Variants in TESC observed in about 807,000 individuals in gnomAD.
The protein encoded by TESC is tescalcin.
TESC carries 19 observed loss-of-function variants against 31.0 expected under a neutral mutation model. The observed-to-expected ratio is 0.61, with a 90% CI of 0.43 to 0.90. TESC has a LOEUF of 0.90. Ranked by LOEUF, TESC falls within the 40% of genes least tolerant of loss-of-function variation. TESC has a pLI of 0.00. For synonymous variants in TESC, 109 were observed against 114.8 expected (o/e 0.95, Z 0.32); for missense variants, 248 against 303.8 (o/e 0.82, Z 1.36).
At chr12:117,044,889 T>C (rs975137832) in intron 6 of TESC, among the ~76,000 whole-genome samples, 4 of 149,286 alleles carry the variant, frequency 2.7e-5, no homozygotes, top group African/African-American at 1.0e-4. Context: ...AGAGTAAGAC[T>C]TGGTCTCGGG....
intron 1 of TESC, among the ~76,000 whole-genome samples, chr12:117,082,060 CAAAAAAAA>C (rs61375772): frequency 8.4e-6 from 1 of 119,134 alleles, no homozygotes. Context: ...CCCATCTATA[CAAAAAAAA>C]AAAAAAATCA....
intron 1 of TESC, among the ~76,000 whole-genome samples, chr12:117,075,905 ATATATATATGTGTGTGTG>A (rs1955060396): frequency 1.3e-5 from 1 of 76,724 alleles, no homozygotes; most frequent in Non-Finnish European, 2.2e-5. Flanking sequence ...ATATATATAT[ATATATATATGTGTGTGTG>A]TATATATATA....
intron 1 of TESC, among the ~76,000 whole-genome samples, chr12:117,097,723 C>CG (rs1197407976): frequency 6.6e-6 from 1 of 152,126 alleles, no homozygotes; most frequent in Non-Finnish European, 1.5e-5. Context: ...AAAGCTCACT[C>CG]TCCCTTCATC....
At position 117,056,792 on chromosome 12, in the gene TESC, G is replaced by A. The variant is rs1299104910; in HGVS notation, c.209+14C>T. 3.1e-6 allele frequency: 5 copies of A among 1,613,688 alleles called. No individual in the cohort carries two copies. Among genetic ancestry groups the A allele is most frequent in the Non-Finnish European group, 4.2e-6 (5 of 1,179,746 alleles). ...GGTGCCTGCCACTGGGCTGGTTCAG[G>A]GGAAAACGCCCACCTGTTGTCGAAG... is the stretch of plus-strand genomic sequence containing the variant. On this transcript the variant is annotated intron_variant, in intron 3 of 7. Coordinates refer to ENST00000335209, the MANE Select transcript of TESC (RefSeq NM_017899.4).
chr12:117,061,781 C>T (rs11615600), intron 2 of TESC, among the ~76,000 whole-genome samples: 21,647 of 152,154 alleles, frequency 0.14, 1,711 homozygotes, highest in Middle Eastern at 0.22. Context: ...TAATCCTTCC[C>T]ATATCAAAGG....
At chr12:117,075,235 G>C in intron 2 of TESC, 36 bp downstream of exon 2, 1 of 1,607,108 alleles carries the variant, frequency 6.2e-7, no homozygotes, top group Non-Finnish European at 8.5e-7. Flanking sequence ...CAAGGGCATG[G>C]CCCCACCCAG....
chr12:117,068,777 T>C (rs898225156), intron 2 of TESC, among the ~76,000 whole-genome samples: 1 of 152,214 alleles, frequency 6.6e-6, no homozygotes, highest in Non-Finnish European at 1.5e-5. Context: ...TGGCTTTATC[T>C]AATCATGCCT....
chr12:117,076,232 G>A (rs1211873607), intron 1 of TESC, among the ~76,000 whole-genome samples: 1 of 151,712 alleles, frequency 6.6e-6, no homozygotes, highest in South Asian at 2.1e-4. Flanking sequence ...GATGAGTAGC[G>A]AGAGGAAATA....
chr12:117,075,895 A>ATATATATATATATGTGTG (rs1955057963), intron 1 of TESC, among the ~76,000 whole-genome samples: 5 of 83,044 alleles, frequency 6.0e-5, no homozygotes, highest in African/African-American at 3.6e-4. Context: ...ATATATATAT[A>ATATATATATATATGTGTG]TATATATATA....
intron 3 of TESC, among the ~76,000 whole-genome samples, chr12:117,056,358 T>G (rs150462230): frequency 1.2e-4 from 18 of 152,158 alleles, no homozygotes; most frequent in African/African-American, 4.3e-4. Context: ...TGCCCAGCCT[T>G]AAATTTTCTT....
At chr12:117,060,618 C>T (rs1428320517) in intron 2 of TESC, among the ~76,000 whole-genome samples, 2 of 152,152 alleles carry the variant, frequency 1.3e-5, no homozygotes, top group African/African-American at 4.8e-5. Flanking sequence ...AGCCACCTCG[C>T]TTCCCAGAGA....
chr12:117,058,762 A>G (rs895588044), intron 2 of TESC, among the ~76,000 whole-genome samples: 8 of 147,336 alleles, frequency 5.4e-5, no homozygotes. Context: ...AAAAAAAAAA[A>G]GGCAAAAAAA....
At chr12:117,091,422 T>C (rs2135803904) in intron 1 of TESC, among the ~76,000 whole-genome samples, 1 of 152,342 alleles carries the variant, frequency 6.6e-6, no homozygotes, top group East Asian at 1.9e-4. Flanking sequence ...GTATGGCATG[T>C]CTGAGAGTTG....
chr12:117,093,446 C>T (rs566574576), intron 1 of TESC, among the ~76,000 whole-genome samples: 2 of 152,232 alleles, frequency 1.3e-5, no homozygotes, highest in African/African-American at 2.4e-5. Context: ...GAGACAGTCT[C>T]GCACTGTCAC....
intron 6 of TESC, among the ~76,000 whole-genome samples, chr12:117,043,563 G>A (rs1954515797): frequency 6.6e-6 from 1 of 152,166 alleles, no homozygotes. Context: ...AGGTTCAAGT[G>A]ATTCTCTTGC....
intron 6 of TESC, among the ~76,000 whole-genome samples, chr12:117,044,875 C>T (rs975133366): frequency 1.3e-5 from 2 of 151,532 alleles, no homozygotes; most frequent in Admixed American, 6.6e-5. Context: ...CCAGCCTGGG[C>T]GGCAGAGTAA....
At chr12:117,046,485 T>G (rs1592992569) in intron 6 of TESC, 74 bp downstream of exon 6, 2 of 1,414,716 alleles carry the variant, frequency 1.4e-6, no homozygotes, top group East Asian at 2.5e-5. Context: ...CCCTGCCCCA[T>G]GAGGCCTTCC....
chr12:117,064,117 A>G (rs1054604825), intron 2 of TESC, among the ~76,000 whole-genome samples: 7 of 151,948 alleles, frequency 4.6e-5, no homozygotes, highest in South Asian at 4.2e-4. Context: ...GGGTCTCACT[A>G]TATTTCCCAA....
chr12:117,050,588 C>T (rs957603413), intron 3 of TESC, among the ~76,000 whole-genome samples: 1 of 152,180 alleles, frequency 6.6e-6, no homozygotes, highest in Non-Finnish European at 1.5e-5. Context: ...TGCCTGACAC[C>T]CAGATGAGGG....
Sources: gnomAD v4.1 joint callset for allele counts (sites outside exome capture counted in the v4.1 genomes callset) on GRCh38, gnomAD v4.1.1 for gene constraint, MANE v1.5 for transcripts, NCBI Gene and HGNC (gene_info 2026-07-23, HGNC 2026-07-21) for gene names.